Variants in ARHGEF28 observed in about 807,000 individuals in gnomAD.
ARHGEF28 encodes 190 kDa guanine nucleotide exchange factor.
In ARHGEF28, 152 loss-of-function variants were observed where a neutral mutation model predicts 206.6. The ratio of observed to expected loss-of-function variants is 0.74; its 90% CI spans 0.64 to 0.84. ARHGEF28 has a LOEUF of 0.84. Ranked by LOEUF, ARHGEF28 falls within the 40% of genes least tolerant of loss-of-function variation. The pLI is 0.00. For missense variants in ARHGEF28, 2,028 were observed against 2,073.2 expected (o/e 0.98, Z 0.42); for synonymous variants, 763 against 776.4 (o/e 0.98, Z 0.29).
intron 35 of ARHGEF28, among the ~76,000 whole-genome samples, chr5:73,927,979 A>T (rs1004628995): frequency 6.6e-6 from 1 of 152,330 alleles, no homozygotes; most frequent in Middle Eastern, 3.4e-3. Flanking sequence ...AGCAGATGTC[A>T]TTTCAAACAA....
intron 9 of ARHGEF28, among the ~76,000 whole-genome samples, chr5:73,809,772 A>G (rs1427961118): frequency 6.6e-6 from 1 of 152,180 alleles, no homozygotes; most frequent in Non-Finnish European, 1.5e-5. Context: ...GTTCTTTTCT[A>G]GGTGAAGAAT....
chr5:73,771,761 A>G (rs1342507739), intron 4 of ARHGEF28, among the ~76,000 whole-genome samples: 1 of 152,218 alleles, frequency 6.6e-6, no homozygotes, highest in Non-Finnish European at 1.5e-5. Context: ...GAATCTAAAA[A>G]CAAAAACCTC....
At chr5:73,802,749 C>T (rs901522793) in intron 9 of ARHGEF28, among the ~76,000 whole-genome samples, 3 of 151,802 alleles carry the variant, frequency 2.0e-5, no homozygotes, top group Admixed American at 6.6e-5. Flanking sequence ...TAAAATAATA[C>T]CACTAAGGGA....
rs1580085834 is a variant in ARHGEF28 at position 73,909,693 on chromosome 5, G to T, written c.4443G>T (p.Ser1481=). 1.3e-6 allele frequency: 2 copies of T among 1,534,444 alleles called. No homozygotes were observed. Among genetic ancestry groups the T allele is most frequent in the African/African-American group, 1.4e-5 (1 of 72,914 alleles). ...AGGAGCGGGAGCGGGAGTGCCAGTC[G>T]CAGGAGGAGCTGCTGCTGCGGAGCC... The part of the protein sequence containing the change: ...WLQERERECQ[S]QEELLLRSRG... The change falls in exon 34 of 36, where the codon TCG becomes TCT. Residue 1481 remains serine (S), a synonymous_variant. Transcript: ENST00000513042.
chr5:73,706,885 A>C (rs752293000), intron 2 of ARHGEF28, among the ~76,000 whole-genome samples: 3 of 152,112 alleles, frequency 2.0e-5, no homozygotes, highest in Non-Finnish European at 2.9e-5. Context: ...TGATTATCTG[A>C]GGATGTGTAT....
At chr5:73,904,155 G>A in intron 31 of ARHGEF28, 67 bp from the exon 32 acceptor site, 1 of 1,517,434 alleles carries the variant, frequency 6.6e-7, no homozygotes. Flanking sequence ...ATACATTTTG[G>A]GACACTGCAG....
intron 7 of ARHGEF28, 140 bp from the exon 8 acceptor site, chr5:73,794,262 A>T: frequency 1.6e-6 from 1 of 630,566 alleles, no homozygotes; most frequent in Admixed American, 3.2e-5. Context: ...TGGAGAGCTG[A>T]TTTTTAAGAG....
intron 1 of ARHGEF28, among the ~76,000 whole-genome samples, chr5:73,654,107 C>G (rs1182717365): frequency 6.6e-6 from 1 of 152,188 alleles, no homozygotes; most frequent in Non-Finnish European, 1.5e-5. Context: ...CCTGCTTAAG[C>G]ATCCTAGTCA....
At chr5:73,740,204 A>G (rs1292091253) in intron 2 of ARHGEF28, among the ~76,000 whole-genome samples, 1 of 151,346 alleles carries the variant, frequency 6.6e-6, no homozygotes, top group Non-Finnish European at 1.5e-5. Context: ...AAGAAGGAGA[A>G]GCGAAAAATG....
At position 73,747,229 on chromosome 5, in the gene ARHGEF28, A is replaced by G. The variant is rs529330164; in HGVS notation, c.34-2608A>G. 3.3e-5 allele frequency among the ~76,000 whole-genome samples: 5 copies of G among 152,334 alleles called. No individual in the cohort carries two copies. In the South Asian group the frequency reaches 1.0e-3, roughly 32 times the overall value. ...TCTAGTTTTCAATTGCCTGAAACAAAGAATGTAATTGGATCCAGATGGGGA... is the reference window on the plus strand; with the variant it reads ...TCTAGTTTTCAATTGCCTGAAACAAGGAATGTAATTGGATCCAGATGGGGA... On this transcript the variant is annotated intron_variant, in intron 2 of 35. Coordinates refer to ENST00000513042, the MANE Select transcript of ARHGEF28 (RefSeq NM_001177693.2).
intron 22 of ARHGEF28, among the ~76,000 whole-genome samples, chr5:73,879,877 TCAGGGAC>T (rs1483042026): frequency 6.6e-6 from 1 of 152,042 alleles, no homozygotes; most frequent in Admixed American, 6.5e-5. Flanking sequence ...GGGTCAGGGG[TCAGGGAC>T]CCACTTGAGG....
At chr5:73,675,731 T>TAAA (rs1746617004) in intron 1 of ARHGEF28, among the ~76,000 whole-genome samples, 1 of 61,178 alleles carries the variant, frequency 1.6e-5, no homozygotes, top group Admixed American at 2.1e-4. Flanking sequence ...AGACTCTGTC[T>TAAA]CAAAAAAAAA....
chr5:73,919,637 T>C (rs403031), intron 35 of ARHGEF28, among the ~76,000 whole-genome samples: 17,561 of 152,268 alleles, frequency 0.12, 1,128 homozygotes, highest in South Asian at 0.21. Context: ...CTTTGGTTTC[T>C]GGAGTGGGCT....
chr5:73,843,276 GA>G (rs1399841273), intron 11 of ARHGEF28, among the ~76,000 whole-genome samples: 1 of 152,198 alleles, frequency 6.6e-6, no homozygotes, highest in Admixed American at 6.5e-5. Context: ...AAGCTTCTGT[GA>G]AGATGTCACT....
intron 13 of ARHGEF28, 45 bp from the exon 14 acceptor site, chr5:73,852,605 A>C (rs1758773832): frequency 3.8e-6 from 6 of 1,581,202 alleles, no homozygotes; most frequent in Non-Finnish European, 5.2e-6. Flanking sequence ...TATGACTGCC[A>C]GTTTGTGTGC....
In ARHGEF28 at chr5:73,909,906, C is replaced by T; in HGVS notation, c.4647+9C>T. ...TTCCGGGTGGCCCCGAGGTATGGACCTTCTGCGGTGCTGTGAGGCAGCCTC... is the reference window on the plus strand; with the variant it reads ...TTCCGGGTGGCCCCGAGGTATGGACTTTCTGCGGTGCTGTGAGGCAGCCTC... On this transcript the variant is annotated intron_variant, in intron 34 of 35. Transcript: ENST00000513042. 6.7e-7 allele frequency: 1 copy of T among 1,494,502 alleles called. No individual in the cohort carries two copies. The highest frequency in any genetic ancestry group is 1.4e-5 in the South Asian group (1 of 73,942). The allele number at this position is 1,494,502 out of a possible 1,614,324, so 92.6% of individuals were successfully genotyped here.
chr5:73,824,835 A>T (rs1170025318), intron 9 of ARHGEF28, among the ~76,000 whole-genome samples: 1 of 152,112 alleles, frequency 6.6e-6, no homozygotes, highest in East Asian at 1.9e-4. Flanking sequence ...CAGGTTGCAC[A>T]GTACCTGGTG....
intron 1 of ARHGEF28, among the ~76,000 whole-genome samples, chr5:73,629,523 T>A (rs1341545148): frequency 1.4e-5 from 2 of 138,922 alleles, no homozygotes; most frequent in East Asian, 2.1e-4. Context: ...AAAAAAAAAA[T>A]TAAAGACATT....
intron 11 of ARHGEF28, among the ~76,000 whole-genome samples, chr5:73,844,593 GT>G (rs1561450202): frequency 3.5e-5 from 5 of 143,296 alleles, no homozygotes; most frequent in African/African-American, 1.3e-4. Flanking sequence ...TTAATTCAAA[GT>G]TTCATTTTCT....
Sources: gnomAD v4.1 joint callset for allele counts (sites outside exome capture counted in the v4.1 genomes callset) on GRCh38, gnomAD v4.1.1 for gene constraint, MANE v1.5 for transcripts, NCBI Gene and HGNC (gene_info 2026-07-23, HGNC 2026-07-21) for gene names.